Variants in ZBTB7C observed in about 807,000 individuals in gnomAD.
ZBTB7C encodes the protein zinc finger and BTB domain-containing protein 7C.
Under a neutral mutation model 25.7 loss-of-function variants are expected in ZBTB7C, and 8 were observed. The ratio of observed to expected loss-of-function variants is 0.31; its 90% CI spans 0.18 to 0.56. The LOEUF (loss-of-function observed/expected upper bound fraction) is 0.56. ZBTB7C is among the 20% of genes least tolerant of loss of function. The probability of loss-of-function intolerance (pLI) is 0.91; values close to 1 mark genes in which losing one functional copy is unlikely to be tolerated. For missense variants in ZBTB7C, 824 were observed against 855.2 expected (o/e 0.96, Z 0.46); for synonymous variants, 394 against 369.0 (o/e 1.07, Z -0.78).
chr18:48,260,317 CT>C (rs2044135295), intron 2 of ZBTB7C, among the ~76,000 whole-genome samples: 1 of 152,164 alleles, frequency 6.6e-6, no homozygotes, highest in Non-Finnish European at 1.5e-5. Flanking sequence ...GAAAGAAGAT[CT>C]GTCACCGAGC....
At chr18:48,346,784 T>A (rs1004408711) in intron 1 of ZBTB7C, 4 of 148,898 alleles carry the variant, frequency 2.7e-5, no homozygotes, top group Non-Finnish European at 4.5e-5. Flanking sequence ...CATCACCCTT[T>A]TCTTTTTCCT....
chr18:48,367,347 C>CATATATATAT lies in ZBTB7C; in HGVS notation c.-303-28959_-303-28950dup, dbSNP rs58569472. ...GTGTATATATATACATATATGTGTG[C>CATATATATAT]ATATATATATATATATATATATATA... On this transcript the variant is annotated intron_variant, in intron 1 of 4. Transcript: ENST00000590800. Among the ~76,000 whole-genome samples, 349 of 44,790 alleles carry CATATATATAT rather than the reference C, an allele frequency of 7.8e-3. 1 individual carries two copies. The highest frequency in any genetic ancestry group is 0.014 in the South Asian group (18 of 1,256). The allele number at this position is 44,790 out of a possible 152,430, so 29.4% of individuals were successfully genotyped here. A position where few individuals can be genotyped will look rare whatever the true frequency, so the allele number is the denominator to read the frequency against.
In ZBTB7C at chr18:48,310,699, G is replaced by A. The variant is rs555558394; in HGVS notation, c.-79+27475C>T. ...TCAGAACACATTTGGGAGTGCATCT[G>A]CCTCAAAGCTCAGGGGTTTCTTGTC... On this transcript the variant is annotated intron_variant, in intron 2 of 4. Coordinates refer to ENST00000590800, the MANE Select transcript of ZBTB7C (RefSeq NM_001318841.2). Among the ~76,000 whole-genome samples, 4 of 152,334 alleles carry A rather than the reference G, an allele frequency of 2.6e-5. No individual in the cohort carries two copies. The South Asian group carries it at 8.3e-4, about 32-fold the overall frequency.
intron 2 of ZBTB7C, among the ~76,000 whole-genome samples, chr18:48,288,480 T>C (rs2045123258): frequency 6.7e-6 from 1 of 148,924 alleles, no homozygotes; most frequent in Admixed American, 6.7e-5. Context: ...AAATACCATC[T>C]CTACTAAAAG....
At chr18:48,410,218 G>T (rs993003543), upstream of ZBTB7C, among the ~76,000 whole-genome samples, 16 of 152,076 alleles carry the variant, frequency 1.1e-4, no homozygotes, top group Non-Finnish European at 2.4e-4. Context: ...ACCTGAAACC[G>T]CAAGCTTGCC....
rs78134442 is a variant in ZBTB7C at position 48,390,035 on chromosome 18, T to C, written c.-304+19191A>G. On this transcript the variant is annotated intron_variant, in intron 1 of 4. Coordinates refer to ENST00000590800, the MANE Select transcript of ZBTB7C (RefSeq NM_001318841.2). Reference sequence around the variant, plus strand: ...AAATGAAGCTATGGCCGGCCATCCATATGAAGGGACAAGGGCTGGATCGGG... The same window carrying C: ...AAATGAAGCTATGGCCGGCCATCCACATGAAGGGACAAGGGCTGGATCGGG... Among the ~76,000 whole-genome samples the C allele has an allele frequency of 1.8e-3, 273 of 152,252 alleles. 3 individuals carry two copies. Among genetic ancestry groups the C allele is most frequent in the East Asian group, 0.01 (53 of 5,178 alleles).
intron 3 of ZBTB7C, among the ~76,000 whole-genome samples, chr18:48,079,038 C>A (rs958723152): frequency 5.9e-5 from 9 of 152,110 alleles, no homozygotes; most frequent in Non-Finnish European, 8.8e-5. Context: ...TGTTTGAGTA[C>A]CCATTTTCAT....
intron 2 of ZBTB7C, among the ~76,000 whole-genome samples, chr18:48,287,504 C>A (rs988269513): frequency 1.3e-5 from 2 of 152,050 alleles, no homozygotes; most frequent in Non-Finnish European, 2.9e-5. Flanking sequence ...AATGAGTAAA[C>A]CATTTTATCT....
chr18:48,151,429 T>C (rs181324177), intron 3 of ZBTB7C, among the ~76,000 whole-genome samples: 51 of 152,262 alleles, frequency 3.3e-4, no homozygotes, highest in African/African-American at 1.0e-3. Flanking sequence ...GTGCCTAACA[T>C]ATAGCACTAA....
intron 2 of ZBTB7C, among the ~76,000 whole-genome samples, chr18:48,301,357 T>C (rs1479501486): frequency 1.3e-5 from 2 of 152,206 alleles, no homozygotes; most frequent in East Asian, 1.9e-4. Flanking sequence ...CACACGCCTA[T>C]AATCCCAGCT....
intron 3 of ZBTB7C, among the ~76,000 whole-genome samples, chr18:48,122,796 T>G (rs2039674383): frequency 6.6e-6 from 1 of 152,188 alleles, no homozygotes; most frequent in Admixed American, 6.5e-5. Context: ...TGCTCACACC[T>G]GAGCCTCCAC....
At chr18:48,058,216 T>A (rs981049416) in intron 3 of ZBTB7C, among the ~76,000 whole-genome samples, 1 of 152,220 alleles carries the variant, frequency 6.6e-6, no homozygotes, top group Non-Finnish European at 1.5e-5. Context: ...TTATTCTTGT[T>A]TTAAACATAT....
chr18:48,290,905 A>G (rs965732001), intron 2 of ZBTB7C, among the ~76,000 whole-genome samples: 7 of 152,262 alleles, frequency 4.6e-5, no homozygotes, highest in Non-Finnish European at 5.9e-5. Flanking sequence ...CCTGGCCCCA[A>G]GCCAATATAT....
At chr18:48,359,111 C>CTGTG (rs2047043993) in intron 1 of ZBTB7C, among the ~76,000 whole-genome samples, 1 of 152,154 alleles carries the variant, frequency 6.6e-6, no homozygotes, top group Non-Finnish European at 1.5e-5. Context: ...GGAGTACATC[C>CTGTG]TGTGACCCCA....
At chr18:48,177,128 T>C (rs2041706997) in intron 3 of ZBTB7C, among the ~76,000 whole-genome samples, 1 of 152,240 alleles carries the variant, frequency 6.6e-6, no homozygotes, top group African/African-American at 2.4e-5. Context: ...CTGAGAGCTG[T>C]CTACATTTCC....
At chr18:48,328,474 G>T (rs2046274505) in intron 2 of ZBTB7C, among the ~76,000 whole-genome samples, 1 of 152,046 alleles carries the variant, frequency 6.6e-6, no homozygotes, top group South Asian at 2.1e-4. Context: ...TATTATTTTT[G>T]TAATTTGAAC....
At chr18:48,147,519 T>C (rs2040531259) in intron 3 of ZBTB7C, 1 of 152,194 alleles carries the variant, frequency 6.6e-6, no homozygotes, top group South Asian at 2.1e-4. Flanking sequence ...AATGAACTGA[T>C]GAAGGATGAC....
chr18:48,127,466 G>A (rs964790292), intron 3 of ZBTB7C, among the ~76,000 whole-genome samples: 26 of 152,244 alleles, frequency 1.7e-4, no homozygotes, highest in African/African-American at 6.3e-4. Context: ...CTCTTTAGAA[G>A]GAAGGGGCCA....
intron 2 of ZBTB7C, among the ~76,000 whole-genome samples, chr18:48,199,075 G>A (rs1038249363): frequency 2.6e-5 from 4 of 152,234 alleles, no homozygotes; most frequent in Admixed American, 2.6e-4. Flanking sequence ...TAGATTCCAG[G>A]AACGCTGGTA....
Sources: allele counts gnomAD v4.1 joint callset (sites outside exome capture counted in the v4.1 genomes callset), GRCh38; gene constraint gnomAD v4.1.1; transcripts MANE v1.5; gene names NCBI Gene and HGNC (gene_info 2026-07-23, HGNC 2026-07-21).